LARGE1: variants seen among roughly 807,000 people sequenced by gnomAD.
The protein encoded by LARGE1 is LARGE xylosyl- and glucuronyltransferase 1, also known as xylosyl- and glucuronyltransferase LARGE1.
Under a neutral mutation model 87.6 loss-of-function variants are expected in LARGE1, and 43 were observed. The ratio of observed to expected loss-of-function variants is 0.49; its 90% CI spans 0.38 to 0.63. The LOEUF (loss-of-function observed/expected upper bound fraction) is 0.63, where lower values mean the gene tolerates loss of function less well. Ranked by LOEUF, LARGE1 falls within the 30% of genes least tolerant of loss-of-function variation. The pLI, the probability that LARGE1 is intolerant of heterozygous loss-of-function variation, is 0.00. For synonymous variants in LARGE1, 434 were observed against 394.6 expected, an observed-to-expected ratio of 1.10 and a Z score of -1.18; for missense variants, 802 against 1,000.2, an observed-to-expected ratio of 0.80 and a Z score of 2.67.
chr22:33,121,761 G>A, the LARGE1 span, among the ~76,000 whole-genome samples: 1 of 152,170 alleles, frequency 6.6e-6, no homozygotes. Context: ...AATTTATAAA[G>A]AAAAGAGGTT....
At chr22:33,096,089 C>T in the LARGE1 span, among the ~76,000 whole-genome samples, 1 of 152,104 alleles carries the variant, frequency 6.6e-6, no homozygotes, top group Non-Finnish European at 1.5e-5. Flanking sequence ...ACTCTGTTTT[C>T]CTCTGAGTTT....
chr22:33,138,258 C>G, the LARGE1 span, among the ~76,000 whole-genome samples: 10 of 152,174 alleles, frequency 6.6e-5, no homozygotes, highest in African/African-American at 2.2e-4. Flanking sequence ...CACTGGATTT[C>G]GGACTTATAT....
chr22:33,775,873 C>A (rs1038300979), intron 1 of LARGE1, among the ~76,000 whole-genome samples: 1 of 139,566 alleles, frequency 7.2e-6, no homozygotes, highest in South Asian at 2.3e-4. Context: ...AAAAAAGACT[C>A]AGGAGGGTGG....
intron 5 of LARGE1, among the ~76,000 whole-genome samples, chr22:33,585,190 T>C (rs976207248): frequency 1.3e-5 from 2 of 152,082 alleles, no homozygotes; most frequent in African/African-American, 2.4e-5. Context: ...AACTCACTTA[T>C]ATACATTAAT....
At chr22:33,487,584 G>T (rs1602072832) in intron 6 of LARGE1, among the ~76,000 whole-genome samples, 1 of 152,138 alleles carries the variant, frequency 6.6e-6, no homozygotes, top group African/African-American at 2.4e-5. Context: ...TATCCATCTC[G>T]CAGGGTCAGT....
intron 6 of LARGE1, among the ~76,000 whole-genome samples, chr22:33,483,648 T>C (rs1175688772): frequency 6.6e-6 from 1 of 152,130 alleles, no homozygotes; most frequent in Non-Finnish European, 1.5e-5. Context: ...CATTAATGAA[T>C]GCTAGTAATG....
intron 6 of LARGE1, among the ~76,000 whole-genome samples, chr22:33,506,644 T>C (rs1000489418): frequency 2.0e-5 from 3 of 152,196 alleles, no homozygotes; most frequent in African/African-American, 7.2e-5. Context: ...CTCACGCCTA[T>C]AATCCCAGCA....
At chr22:33,396,460 T>TGAGAGAGAGAGAGAGA (rs2065744717) in intron 7 of LARGE1, among the ~76,000 whole-genome samples, 2 of 69,086 alleles carry the variant, frequency 2.9e-5, no homozygotes, top group African/African-American at 9.0e-5. Context: ...ACAGAGAGAG[T>TGAGAGAGAGAGAGAGA]GACAGAGAGA....
chr22:33,739,696 G>A (rs2083803100), intron 2 of LARGE1, among the ~76,000 whole-genome samples: 2 of 152,162 alleles, frequency 1.3e-5, no homozygotes, highest in African/African-American at 4.8e-5. Flanking sequence ...CAGTGCCTGA[G>A]CTCAGTGGGG....
intron 1 of LARGE1, among the ~76,000 whole-genome samples, chr22:33,782,301 G>T (rs959413730): frequency 1.3e-5 from 2 of 152,204 alleles, no homozygotes; most frequent in Non-Finnish European, 2.9e-5. Context: ...CAAATCCACA[G>T]AGACAGAACA....
intron 1 of LARGE1, among the ~76,000 whole-genome samples, chr22:33,883,046 G>A (rs1183387913): frequency 6.6e-6 from 1 of 152,168 alleles, no homozygotes; most frequent in Non-Finnish European, 1.5e-5. Flanking sequence ...ACCAAGAATG[G>A]GTTAGAAGAT....
chr22:33,616,526 T>C (rs567659271), intron 4 of LARGE1, among the ~76,000 whole-genome samples: 1 of 151,420 alleles, frequency 6.6e-6, no homozygotes, highest in Admixed American at 6.6e-5. Flanking sequence ...AGCAAGACTC[T>C]GTCTCAAAAG....
Position 33,761,437 on chromosome 22 carries a change from C to T in LARGE1, c.40G>A (p.Ala14Thr). 6.2e-7 allele frequency: 1 copy of T among 1,614,034 alleles called. No individual in the cohort carries two copies. Among genetic ancestry groups the T allele is most frequent in the South Asian group, 1.1e-5 (1 of 91,086 alleles). Residue 14 changes from alanine to threonine, a missense_variant, in exon 2 of 15, where the codon GCC becomes ACC. By Grantham distance (58) the Ala-to-Thr change is moderately conservative (BLOSUM62 0). This residue lies in a region of LARGE1 where 177 missense variants were observed against 158.3 expected (regional missense o/e 1.12). Transcript: ENST00000397394. ...GGGATGCAGAGAAGACTCAACGAGG[C>T]AGCCAAGAATTTCCGTCTCCCCCTG... Reference protein sequence around the residue: ...ICRGRRKFLAASLSLLCIPAI... With the variant: ...ICRGRRKFLATSLSLLCIPAI...
chr22:33,663,576 A>G (rs936484561), intron 2 of LARGE1, among the ~76,000 whole-genome samples: 8 of 152,156 alleles, frequency 5.3e-5, no homozygotes, highest in Non-Finnish European at 8.8e-5. Context: ...CAAAAAGAAA[A>G]GCCCCTTGCA....
intron 6 of LARGE1, among the ~76,000 whole-genome samples, chr22:33,514,076 G>C (rs5998979): frequency 0.04 from 6,115 of 152,242 alleles, 216 homozygotes; most frequent in African/African-American, 0.094. Flanking sequence ...GGAAGCTATA[G>C]AATCTATGTT....
At chr22:33,457,816 G>C (rs748795114) in intron 6 of LARGE1, among the ~76,000 whole-genome samples, 1 of 152,154 alleles carries the variant, frequency 6.6e-6, no homozygotes, top group Non-Finnish European at 1.5e-5. Context: ...CCAGGCTGAG[G>C]AAAGACCCTG....
chr22:33,868,874 G>A (rs575740830), intron 1 of LARGE1, among the ~76,000 whole-genome samples: 1 of 152,154 alleles, frequency 6.6e-6, no homozygotes, highest in Non-Finnish European at 1.5e-5. Context: ...AAAGGGGGTT[G>A]CAAGGTACAC....
At chr22:33,355,025 G>C (rs984957931) in intron 9 of LARGE1, among the ~76,000 whole-genome samples, 2 of 152,160 alleles carry the variant, frequency 1.3e-5, no homozygotes, top group South Asian at 2.1e-4. Context: ...CTGTTTTATA[G>C]TGTATTCATG....
At chr22:33,084,429 T>C in the LARGE1 span, among the ~76,000 whole-genome samples, 1 of 149,044 alleles carries the variant, frequency 6.7e-6, no homozygotes, top group African/African-American at 2.5e-5. Context: ...GAGACCAAGG[T>C]GGGAGGATGG....
Sources: gnomAD v4.1 joint callset for allele counts (sites outside exome capture counted in the v4.1 genomes callset) on GRCh38, gnomAD v4.1.1 for gene constraint, gnomAD v4.1.1 regional missense constraint, MANE v1.5 for transcripts, NCBI Gene and HGNC (gene_info 2026-07-23, HGNC 2026-07-21) for gene names.